RANBP9: variants seen among roughly 807,000 people sequenced by gnomAD.
The protein encoded by RANBP9 is ran-binding protein 9.
Under a neutral mutation model 84.3 loss-of-function variants are expected in RANBP9, and 15 were observed. That is an observed-to-expected ratio of 0.18 (90% CI 0.12 to 0.27). RANBP9 has a LOEUF of 0.27. Ranked by LOEUF, RANBP9 falls within the 10% of genes least tolerant of loss-of-function variation. The pLI, the probability that RANBP9 is intolerant of heterozygous loss-of-function variation, is 1.00. For synonymous variants in RANBP9, 392 were observed against 349.6 expected (o/e 1.12, Z -1.35); for missense variants, 809 against 912.8 (o/e 0.89, Z 1.46).
At chr6:13,709,881 C>G (rs1219527970) in intron 1 of RANBP9, among the ~76,000 whole-genome samples, 1 of 152,190 alleles carries the variant, frequency 6.6e-6, no homozygotes, top group African/African-American at 2.4e-5. Flanking sequence ...TCTGAGTAGA[C>G]CCCTTTACAG....
rs566613052 is a variant in RANBP9, at chr6:13,659,087, T to C, written c.684-255A>G. The stretch of plus-strand genomic sequence containing the variant: ...AAAGCATTAATATACAGCTATGCAC[T>C]CTACTGACACCTATAAAAAATCTCG... On this transcript the variant is annotated intron_variant, in intron 2 of 13. Transcript: ENST00000011619. Among the ~76,000 whole-genome samples, 3 of 152,242 alleles carry C rather than the reference T, an allele frequency of 2.0e-5. No individual in the cohort carries two copies. In the East Asian group the frequency reaches 5.8e-4, roughly 29 times the overall value.
chr6:13,622,942 G>A (rs1489318129), intron 13 of RANBP9, among the ~76,000 whole-genome samples: 2 of 152,176 alleles, frequency 1.3e-5, no homozygotes, highest in Non-Finnish European at 2.9e-5. Flanking sequence ...CAAACAGGCT[G>A]CCTAGCCATC....
At chr6:13,682,816 G>C (rs1766076384) in intron 2 of RANBP9, among the ~76,000 whole-genome samples, 1 of 152,172 alleles carries the variant, frequency 6.6e-6, no homozygotes, top group Non-Finnish European at 1.5e-5. Context: ...TAAGAAAAAA[G>C]AAGTATAAAA....
At chr6:13,649,903 A>G (rs950268778) in intron 5 of RANBP9, among the ~76,000 whole-genome samples, 2 of 152,096 alleles carry the variant, frequency 1.3e-5, no homozygotes, top group African/African-American at 4.8e-5. Flanking sequence ...GCTAAGTACA[A>G]TTGTCAATTC....
At chr6:13,699,752 C>T (rs895466561) in intron 1 of RANBP9, among the ~76,000 whole-genome samples, 3 of 152,110 alleles carry the variant, frequency 2.0e-5, no homozygotes, top group African/African-American at 7.2e-5. Context: ...ATCCCAGCTA[C>T]TCAGGAGGCT....
intron 4 of RANBP9, among the ~76,000 whole-genome samples, chr6:13,654,967 G>C (rs1344947417): frequency 2.0e-5 from 3 of 152,192 alleles, no homozygotes; most frequent in African/African-American, 7.2e-5. Flanking sequence ...TAGTGAGATA[G>C]GTATTACAGT....
chr6:13,678,345 G>A (rs186410406), intron 2 of RANBP9, among the ~76,000 whole-genome samples: 168 of 152,256 alleles, frequency 1.1e-3, no homozygotes, highest in Non-Finnish European at 1.6e-3. Flanking sequence ...ACTTCAGCTG[G>A]CCACTGCATT....
intron 12 of RANBP9, among the ~76,000 whole-genome samples, chr6:13,628,446 C>A (rs1399977790): frequency 1.3e-5 from 2 of 152,056 alleles, no homozygotes; most frequent in Non-Finnish European, 2.9e-5. Context: ...GGGTTAGGAG[C>A]TAAAATACCC....
chr6:13,640,541 T>C (rs1765040472), intron 8 of RANBP9, among the ~76,000 whole-genome samples: 1 of 152,090 alleles, frequency 6.6e-6, no homozygotes, highest in South Asian at 2.1e-4. Context: ...ATAAACAAAA[T>C]GCAGTATTAT....
chr6:13,621,768 A>G lies in RANBP9; in HGVS notation c.*594T>C, dbSNP rs1350584346. The G allele has an allele frequency of 6.5e-6, 1 of 152,676 alleles. No homozygotes were observed. Among genetic ancestry groups the G allele is most frequent in the Non-Finnish European group, 1.5e-5 (1 of 68,048 alleles). 9.5% of individuals were successfully genotyped at this position (152,676 alleles called of 1,614,324 possible). A position where few individuals can be genotyped will look rare whatever the true frequency, so the allele number is the denominator to read the frequency against. On this transcript the variant is annotated 3_prime_UTR_variant, in exon 14 of 14. Coordinates refer to ENST00000011619, the MANE Select transcript of RANBP9 (RefSeq NM_005493.3). ...ACAAAGTTGAAAAAGACCATGTTAA[A>G]ACAAAACTACTGGGACTAACAGGTC...
intron 2 of RANBP9, among the ~76,000 whole-genome samples, chr6:13,676,257 T>C (rs892667897): frequency 6.6e-6 from 1 of 152,140 alleles, no homozygotes; most frequent in East Asian, 1.9e-4. Context: ...ATTGTGGTTA[T>C]TGTTTGTAAA....
At chr6:13,685,979 A>G (rs1766166390) in intron 2 of RANBP9, among the ~76,000 whole-genome samples, 1 of 151,982 alleles carries the variant, frequency 6.6e-6, no homozygotes, top group Non-Finnish European at 1.5e-5. Context: ...GTGTATATAT[A>G]AAATCCGAAA....
rs2113379482 is a variant in RANBP9 at position 13,711,235 on chromosome 6, G to A, written c.271C>T (p.Pro91Ser). 1 of 1,001,308 alleles carries A rather than the reference G, an allele frequency of 1.0e-6. No individual in the cohort carries two copies. The highest frequency in any genetic ancestry group is 1.2e-6 in the Non-Finnish European group (1 of 839,906). The allele number at this position is 1,001,308 out of a possible 1,614,324, so 62.0% of individuals were successfully genotyped here. A position where few individuals can be genotyped will look rare whatever the true frequency, so the allele number is the denominator to read the frequency against. Residue 91 changes from proline (P) to serine (S), a missense_variant, in exon 1 of 14, where the codon CCC becomes TCC. This residue lies in a region of RANBP9 where 302 missense variants were observed against 240.1 expected (regional missense o/e 1.26). Coordinates refer to ENST00000011619, the MANE Select transcript of RANBP9 (RefSeq NM_005493.3). ...GCGGGGGCAGCCGCTGAGGCAGGGG[G>A]AGGCGGGGGCGGCGGCGGGGGCGGC... ...APPPPPPPPP[P>S]PASAAAPASG...
At chr6:13,672,342 T>C (rs1268361238) in intron 2 of RANBP9, among the ~76,000 whole-genome samples, 1 of 152,148 alleles carries the variant, frequency 6.6e-6, no homozygotes, top group African/African-American at 2.4e-5. Context: ...ATCATATGAT[T>C]ATAGAACACT....
intron 5 of RANBP9, among the ~76,000 whole-genome samples, chr6:13,648,218 C>T (rs1369111282): frequency 1.5e-5 from 2 of 133,260 alleles, no homozygotes; most frequent in African/African-American, 2.8e-5. Context: ...GGCATAATCT[C>T]GGTTCACTGC....
intron 13 of RANBP9, among the ~76,000 whole-genome samples, chr6:13,622,916 C>T (rs1272903844): frequency 6.6e-6 from 1 of 152,192 alleles, no homozygotes; most frequent in Non-Finnish European, 1.5e-5. Flanking sequence ...GGTTCTTCCA[C>T]CTCTGTGGAT....
intron 1 of RANBP9, among the ~76,000 whole-genome samples, chr6:13,706,060 T>C (rs1418473742): frequency 6.6e-6 from 1 of 151,990 alleles, no homozygotes; most frequent in Non-Finnish European, 1.5e-5. Context: ...AGAGTAAGTA[T>C]AACAAAAGTT....
chr6:13,623,369 C>T (rs1764511288), intron 13 of RANBP9, among the ~76,000 whole-genome samples: 1 of 152,210 alleles, frequency 6.6e-6, no homozygotes, highest in Middle Eastern at 3.4e-3. Flanking sequence ...TGGTTTAACT[C>T]CACTCTTGGT....
intron 11 of RANBP9, among the ~76,000 whole-genome samples, chr6:13,633,141 TCTC>T (rs1235070005): frequency 2.6e-5 from 4 of 152,018 alleles, no homozygotes; most frequent in Admixed American, 6.5e-5. Context: ...TTCAAGCAAT[TCTC>T]CTGCCTCAGC....
Sources: gnomAD v4.1 joint callset for allele counts (sites outside exome capture counted in the v4.1 genomes callset) on GRCh38, gnomAD v4.1.1 for gene constraint, gnomAD v4.1.1 regional missense constraint, MANE v1.5 for transcripts, NCBI Gene and HGNC (gene_info 2026-07-23, HGNC 2026-07-21) for gene names.